DLG2: variants seen among roughly 807,000 people sequenced by gnomAD.
DLG2 encodes the protein disks large homolog 2.
In DLG2, 45 loss-of-function variants were observed where a neutral mutation model predicts 132.5. That is an observed-to-expected ratio of 0.34 (90% CI 0.27 to 0.44). DLG2 has a LOEUF of 0.44. DLG2 is among the 20% of genes least tolerant of loss of function. The pLI is 1.00. For missense variants in DLG2, 1,045 were observed against 1,196.9 expected (o/e 0.87, Z 1.87); for synonymous variants, 424 against 419.6 (o/e 1.01, Z -0.13).
In DLG2 at chr11:85,443,207, C is replaced by A. The variant is rs117834655; in HGVS notation, c.40+155450G>T. Among the ~76,000 whole-genome samples, 116 of 152,256 alleles carry A rather than the reference C, an allele frequency of 7.6e-4. 3 individuals carry two copies. In the East Asian group the frequency reaches 0.02, roughly 26 times the overall value. ...TACTACAGCACGATTTCTCTGAATA[C>A]CCTTTAAGATGTCAATCTCCTCCAT... On this transcript the variant is annotated intron_variant, in intron 3 of 27. Transcript: ENST00000376104.
intron 16 of DLG2, among the ~76,000 whole-genome samples, chr11:83,834,870 A>G (rs945423660): frequency 9.2e-5 from 14 of 152,190 alleles, no homozygotes; most frequent in African/African-American, 3.4e-4. Context: ...CCAAGTTGTC[A>G]TTTGCATCAC....
At chr11:84,799,833 C>T (rs929526675) in intron 6 of DLG2, among the ~76,000 whole-genome samples, 1 of 152,162 alleles carries the variant, frequency 6.6e-6, no homozygotes, top group Non-Finnish European at 1.5e-5. Context: ...TAACTTTGGT[C>T]TCTAAGTGTT....
intron 6 of DLG2, among the ~76,000 whole-genome samples, chr11:84,654,082 A>G (rs1324458329): frequency 6.6e-6 from 1 of 152,184 alleles, no homozygotes; most frequent in East Asian, 1.9e-4. Context: ...TACATTATAT[A>G]GTACTCACAA....
intron 6 of DLG2, among the ~76,000 whole-genome samples, chr11:85,038,332 C>T (rs955143402): frequency 6.6e-6 from 1 of 151,918 alleles, no homozygotes; most frequent in African/African-American, 2.4e-5. Flanking sequence ...AATACAACAA[C>T]GTTTTGACAG....
At chr11:85,472,150 A>C (rs765702287) in intron 3 of DLG2, among the ~76,000 whole-genome samples, 27 of 152,130 alleles carry the variant, frequency 1.8e-4, no homozygotes, top group Non-Finnish European at 3.1e-4. Context: ...TAGCCAATCA[A>C]GTGATGCTTT....
intron 4 of DLG2, among the ~76,000 whole-genome samples, chr11:85,270,268 G>A (rs1476201864): frequency 6.6e-6 from 1 of 152,080 alleles, no homozygotes; most frequent in Non-Finnish European, 1.5e-5. Context: ...GAGATCTGAT[G>A]GTTTTATGAA....
chr11:85,450,947 T>C (rs569637480), intron 3 of DLG2, among the ~76,000 whole-genome samples: 2 of 152,232 alleles, frequency 1.3e-5, no homozygotes, highest in East Asian at 3.9e-4. Flanking sequence ...AATCATCTCC[T>C]CAATCTACAT....
At chr11:83,496,782 T>C (rs2094169642) in intron 21 of DLG2, among the ~76,000 whole-genome samples, 1 of 152,180 alleles carries the variant, frequency 6.6e-6, no homozygotes, top group South Asian at 2.1e-4. Context: ...TTAGGAAGGA[T>C]GTCTAATCCA....
chr11:85,302,727 G>A lies in DLG2; in HGVS notation c.41-17362C>T, dbSNP rs560464487. On this transcript the variant is annotated intron_variant, in intron 3 of 27. Transcript: ENST00000376104. ...CAAAACAGAGAGCTGCACATTCAGC[G>A]TAATAGTAGAGATGAGATTTGGGAG... Among the ~76,000 whole-genome samples the A allele has an allele frequency of 1.4e-4, 22 of 152,058 alleles. No homozygotes were observed. The South Asian group carries it at 2.3e-3, about 16-fold the overall frequency.
intron 19 of DLG2, among the ~76,000 whole-genome samples, chr11:83,549,881 T>C (rs907731056): frequency 6.6e-5 from 10 of 152,184 alleles, no homozygotes; most frequent in Non-Finnish European, 1.2e-4. Context: ...TTGAGTAAGG[T>C]ACTTAACCTC....
intron 16 of DLG2, among the ~76,000 whole-genome samples, chr11:83,867,403 T>C (rs2062603041): frequency 6.6e-6 from 1 of 152,182 alleles, no homozygotes. Flanking sequence ...TTTTTAGCCC[T>C]TAAATATAGA....
At chr11:85,051,538 C>T (rs1298037297) in intron 6 of DLG2, among the ~76,000 whole-genome samples, 1 of 152,076 alleles carries the variant, frequency 6.6e-6, no homozygotes, top group African/African-American at 2.4e-5. Context: ...ACAAAACAGA[C>T]ACAGTTTCTG....
At chr11:85,431,119 C>T (rs1309921005) in intron 3 of DLG2, among the ~76,000 whole-genome samples, 6 of 152,154 alleles carry the variant, frequency 3.9e-5, no homozygotes, top group East Asian at 1.9e-4. Flanking sequence ...TTGTTTCCAA[C>T]GAAGGAGACA....
intron 6 of DLG2, chr11:84,545,384 T>C: frequency 1.9e-6 from 1 of 519,224 alleles, no homozygotes; most frequent in Non-Finnish European, 3.7e-6. Context: ...TGCCACCATA[T>C]CCACAACCAC....
chr11:84,604,225 A>T (rs2099581554), intron 6 of DLG2, among the ~76,000 whole-genome samples: 3 of 151,978 alleles, frequency 2.0e-5, no homozygotes, highest in Admixed American at 1.3e-4. Context: ...ATACCAGAGG[A>T]ATCAACAGGA....
rs185236871 is a variant in DLG2, at chr11:84,433,320, C to T, written c.519+101250G>A. 1.8e-3 allele frequency among the ~76,000 whole-genome samples: 269 copies of T among 152,192 alleles called. 3 individuals are homozygous for T. The highest frequency in any genetic ancestry group is 6.2e-3 in the African/African-American group (257 of 41,524). On this transcript the variant is annotated intron_variant, in intron 7 of 27. Coordinates refer to ENST00000376104, the MANE Select transcript of DLG2 (RefSeq NM_001142699.3). ...AATACTCTTGTATATTACTACGTAA[C>T]CAGAAATTGCACTTTCAATTTATCT... is the stretch of plus-strand genomic sequence containing the variant.
chr11:83,796,898 AAGT>A (rs750836589), intron 17 of DLG2, among the ~76,000 whole-genome samples: 4 of 152,222 alleles, frequency 2.6e-5, no homozygotes, highest in Non-Finnish European at 5.9e-5. Flanking sequence ...GCTGGGCGGT[AAGT>A]GCTAGCACAA....
chr11:84,914,044 G>A (rs934538527), intron 6 of DLG2, among the ~76,000 whole-genome samples: 39 of 152,064 alleles, frequency 2.6e-4, no homozygotes, highest in Non-Finnish European at 1.8e-4. Flanking sequence ...AAATGAATTA[G>A]ACACTTTTAA....
intron 18 of DLG2, among the ~76,000 whole-genome samples, chr11:83,657,602 G>A (rs764615301): frequency 1.1e-4 from 16 of 144,866 alleles, no homozygotes; most frequent in African/African-American, 2.8e-4. Context: ...GCAGTGGCGC[G>A]ATCTCGGCTC....
Sources: allele counts gnomAD v4.1 joint callset (sites outside exome capture counted in the v4.1 genomes callset), GRCh38; gene constraint gnomAD v4.1.1; transcripts MANE v1.5; gene names NCBI Gene and HGNC (gene_info 2026-07-23, HGNC 2026-07-21).